Variants in EPC2 observed in about 807,000 individuals in gnomAD.
The protein encoded by EPC2 is enhancer of polycomb 2, also known as enhancer of polycomb homolog 2.
Under a neutral mutation model 92.1 loss-of-function variants are expected in EPC2, and 14 were observed. That is an observed-to-expected ratio of 0.15 (90% CI 0.10 to 0.24). EPC2 has a LOEUF of 0.24. Among genes scored for constraint, EPC2 ranks in the 10% least tolerant of loss-of-function variants. The pLI, the probability that EPC2 is intolerant of heterozygous loss-of-function variation, is 1.00. For missense variants in EPC2, 755 were observed against 971.5 expected (o/e 0.78, Z 2.96); for synonymous variants, 340 against 334.7 (o/e 1.02, Z -0.17).
chr2:148,662,827 A>AAT (rs1472725669), intron 1 of EPC2, among the ~76,000 whole-genome samples: 19 of 152,138 alleles, frequency 1.2e-4, no homozygotes, highest in African/African-American at 2.2e-4. Flanking sequence ...TAATAATAAA[A>AAT]TTTTTTTAAA....
chr2:148,773,443 T>A (rs1240168341), intron 10 of EPC2, among the ~76,000 whole-genome samples: 2 of 152,132 alleles, frequency 1.3e-5, no homozygotes, highest in African/African-American at 4.8e-5. Flanking sequence ...TACAGTACCA[T>A]TTCTTTCTTC....
At chr2:148,692,526 A>G (rs1681665932) in intron 2 of EPC2, 1 of 152,224 alleles carries the variant, frequency 6.6e-6, no homozygotes, top group Admixed American at 6.5e-5. Context: ...TTTCTCTGAA[A>G]TAGTCTAGAG....
chr2:148,649,296 A>G (rs1473932590), intron 1 of EPC2, among the ~76,000 whole-genome samples: 4 of 152,252 alleles, frequency 2.6e-5, no homozygotes, highest in Admixed American at 2.6e-4. Context: ...AACAAGATAT[A>G]GAACATTTCC....
intron 1 of EPC2, among the ~76,000 whole-genome samples, chr2:148,663,157 T>TG (rs1377494407): frequency 2.7e-5 from 4 of 150,210 alleles, no homozygotes; most frequent in Non-Finnish European, 4.4e-5. Flanking sequence ...AGTTGATACA[T>TG]GGGACAGATG....
intron 6 of EPC2, among the ~76,000 whole-genome samples, chr2:148,763,884 A>G (rs1239197481): frequency 6.6e-6 from 1 of 152,242 alleles, no homozygotes; most frequent in East Asian, 1.9e-4. Flanking sequence ...TACTGACAGA[A>G]TCAGCCTTTA....
intron 2 of EPC2, among the ~76,000 whole-genome samples, chr2:148,729,439 C>G (rs1399432135): frequency 6.6e-6 from 1 of 152,114 alleles, no homozygotes; most frequent in Non-Finnish European, 1.5e-5. Context: ...AATGTAACAT[C>G]TTGCATTACC....
intron 10 of EPC2, among the ~76,000 whole-genome samples, chr2:148,773,345 G>A (rs947524307): frequency 1.3e-5 from 2 of 151,858 alleles, no homozygotes; most frequent in African/African-American, 4.8e-5. Flanking sequence ...AAGTTTTTTT[G>A]TATTCTTACC....
At chr2:148,736,480 A>G (rs1682756420) in intron 2 of EPC2, among the ~76,000 whole-genome samples, 1 of 152,004 alleles carries the variant, frequency 6.6e-6, no homozygotes, top group African/African-American at 2.4e-5. Flanking sequence ...TTAGTGGGAA[A>G]TTGTATTTGG....
chr2:148,689,195 T>G (rs74677740), intron 1 of EPC2, among the ~76,000 whole-genome samples: 1 of 151,924 alleles, frequency 6.6e-6, no homozygotes, highest in Non-Finnish European at 1.5e-5. Context: ...TTTTTTTTTT[T>G]GAGACGGAGT....
intron 2 of EPC2, among the ~76,000 whole-genome samples, chr2:148,721,904 T>C (rs1054318708): frequency 3.4e-5 from 5 of 146,906 alleles, no homozygotes; most frequent in African/African-American, 1.2e-4. Flanking sequence ...TTTTTTTTTT[T>C]TTTCAGAATT....
At chr2:148,658,675 G>T (rs2105353679) in intron 1 of EPC2, among the ~76,000 whole-genome samples, 1 of 148,150 alleles carries the variant, frequency 6.7e-6, no homozygotes, top group South Asian at 2.2e-4. Flanking sequence ...AAATAATTTT[G>T]GTCATGAGCT....
chr2:148,784,794 G>A lies in EPC2; in HGVS notation c.2144G>A (p.Ser715Asn). 1.2e-6 allele frequency: 2 copies of A among 1,614,004 alleles called. No homozygotes were observed. The highest frequency in any genetic ancestry group is 4.5e-5 in the East Asian group (2 of 44,870). ...TNHLIPALCT[S>N]SPQTLPMNNS... is the part of the protein sequence containing the mutation. ...CACTTAATCCCAGCATTGTGCACAAGCAGTCCTCAGACACTTCCCATGAAC... is the reference window on the plus strand; with the variant it reads ...CACTTAATCCCAGCATTGTGCACAAACAGTCCTCAGACACTTCCCATGAAC... Residue 715 changes from serine to asparagine, a missense_variant, in exon 13 of 14, where the codon AGC becomes AAC. Around this residue, in one of 4 missense-constraint regions of EPC2, gnomAD observed 207 missense variants for 260.5 expected, o/e 0.79. Coordinates refer to ENST00000258484, the MANE Select transcript of EPC2 (RefSeq NM_015630.4).
At chr2:148,760,546 T>C (rs1683283951) in intron 4 of EPC2, among the ~76,000 whole-genome samples, 1 of 152,292 alleles carries the variant, frequency 6.6e-6, no homozygotes, top group Admixed American at 6.5e-5. Flanking sequence ...CTGTCGAAAA[T>C]ATTAATTTTT....
chr2:148,770,072 G>T (rs1407820066), intron 8 of EPC2, among the ~76,000 whole-genome samples: 1 of 152,056 alleles, frequency 6.6e-6, no homozygotes. Flanking sequence ...TAGAGACAGG[G>T]TCTTGCTCTG....
chr2:148,660,780 TG>T lies in EPC2; in HGVS notation c.153+15612del, dbSNP rs1190525442. 2.6e-5 allele frequency among the ~76,000 whole-genome samples: 4 copies of T among 152,028 alleles called. No homozygotes were observed. In the East Asian group the frequency reaches 7.7e-4, roughly 29 times the overall value. ...ATTTAAAAAAATAATCTTTTCTCCC[TG>T]GTATGAGATGCTACCTCCATCCTAT... is the stretch of plus-strand genomic sequence containing the variant. On this transcript the variant is annotated intron_variant, in intron 1 of 13. Coordinates refer to ENST00000258484, the MANE Select transcript of EPC2 (RefSeq NM_015630.4).
intron 10 of EPC2, among the ~76,000 whole-genome samples, chr2:148,774,624 T>TATTATATTATATATATATATATATATA (rs935978031): frequency 7.5e-6 from 1 of 132,574 alleles, no homozygotes; most frequent in South Asian, 2.5e-4. Flanking sequence ...AAAATATATT[T>TATTATATTATATATATATATATATATA]TATATATATA....
chr2:148,739,548 T>G (rs777294472), intron 2 of EPC2, among the ~76,000 whole-genome samples: 5 of 152,186 alleles, frequency 3.3e-5, no homozygotes, highest in Non-Finnish European at 7.3e-5. Flanking sequence ...CCAACTAATT[T>G]TAGACTAACT....
chr2:148,666,869 CTTT>C (rs61149894), intron 1 of EPC2, among the ~76,000 whole-genome samples: 5 of 146,122 alleles, frequency 3.4e-5, no homozygotes, highest in African/African-American at 1.0e-4. Context: ...CATTGTTAGA[CTTT>C]TTTTTTTTTT....
chr2:148,743,903 C>G (rs954852829), intron 3 of EPC2, 136 bp downstream of exon 3: 6 of 625,402 alleles, frequency 9.6e-6, no homozygotes, highest in African/African-American at 1.9e-5. Flanking sequence ...TACAATGTTC[C>G]GTGAGTGGAG....
Sources: allele counts gnomAD v4.1 joint callset (sites outside exome capture counted in the v4.1 genomes callset), GRCh38; gene constraint gnomAD v4.1.1; regional missense constraint gnomAD v4.1.1; transcripts MANE v1.5; gene names NCBI Gene and HGNC (gene_info 2026-07-23, HGNC 2026-07-21).